The following PITPNC1 variants were observed in gnomAD, a reference collection of about 807,000 sequenced individuals.
The protein encoded by PITPNC1 is cytoplasmic phosphatidylinositol transfer protein 1.
A neutral mutation model predicts 44.7 loss-of-function variants in PITPNC1; 18 were observed. The ratio of observed to expected loss-of-function variants is 0.40; its 90% CI spans 0.28 to 0.60. The LOEUF (loss-of-function observed/expected upper bound fraction) is 0.60, where lower values mean the gene tolerates loss of function less well. Among genes scored for constraint, PITPNC1 ranks in the 20% least tolerant of loss-of-function variants. The pLI, the probability that PITPNC1 is intolerant of heterozygous loss-of-function variation, is 0.39. For missense variants in PITPNC1, 290 were observed against 418.4 expected, an observed-to-expected ratio of 0.69 and a Z score of 2.68; for synonymous variants, 141 against 149.6, an observed-to-expected ratio of 0.94 and a Z score of 0.42.
intron 2 of PITPNC1, among the ~76,000 whole-genome samples, chr17:67,543,783 G>A (rs2040639779): frequency 6.6e-6 from 1 of 152,166 alleles, no homozygotes; most frequent in Non-Finnish European, 1.5e-5. Flanking sequence ...AGTACATTAT[G>A]ATGGTTGCCT....
chr17:67,636,487 T>C (rs1305630903), intron 6 of PITPNC1, among the ~76,000 whole-genome samples: 1 of 152,164 alleles, frequency 6.6e-6, no homozygotes, highest in Non-Finnish European at 1.5e-5. Flanking sequence ...GGCTGAGCCC[T>C]GCACATTCAT....
chr17:67,594,533 G>A (rs1030455276), intron 5 of PITPNC1, among the ~76,000 whole-genome samples: 38 of 152,178 alleles, frequency 2.5e-4, no homozygotes, highest in Admixed American at 2.5e-3. Flanking sequence ...GTGGTTACTG[G>A]TGCAAGCAGC....
At chr17:67,378,936 C>T (rs1598593251) in intron 1 of PITPNC1, 1 of 982,834 alleles carries the variant, frequency 1.0e-6, no homozygotes, top group East Asian at 1.1e-4. Flanking sequence ...CGGCTGCCGG[C>T]TGGGGGCGCC....
chr17:67,508,779 C>T lies in PITPNC1; in HGVS notation c.49-24023C>T, dbSNP rs2949937. Among the ~76,000 whole-genome samples, 14,568 of 151,966 alleles carry T rather than the reference C, an allele frequency of 0.096. 896 individuals carry two copies. The highest frequency in any genetic ancestry group is 0.17 in the African/African-American group (6,936 of 41,422). ...TGCCAGGGGCCAGAGGGGAGGGAAA[C>T]GGGGAGCTGTTGTTTAAAGAGTGTA... is the stretch of plus-strand genomic sequence containing the variant. On this transcript the variant is annotated intron_variant, in intron 1 of 8. Transcript: ENST00000581322. The surrounding 1 kb of genome is among the most constrained non-coding windows in gnomAD (Gnocchi z 4.2).
chr17:67,460,803 G>T (rs766882031), intron 1 of PITPNC1, among the ~76,000 whole-genome samples: 2 of 146,976 alleles, frequency 1.4e-5, no homozygotes, highest in African/African-American at 2.5e-5. Flanking sequence ...GGAATGCAGC[G>T]GCGCGACGGT....
At chr17:67,424,085 CAA>C (rs71139144) in intron 1 of PITPNC1, among the ~76,000 whole-genome samples, 1,025 of 76,056 alleles carry the variant, frequency 0.013, 3 homozygotes, top group African/African-American at 0.015. Flanking sequence ...GAGACTGTCT[CAA>C]AAAAAAAAAA....
chr17:67,665,944 G>A (rs8077297), intron 6 of PITPNC1, among the ~76,000 whole-genome samples: 7,364 of 151,594 alleles, frequency 0.049, 579 homozygotes, highest in African/African-American at 0.17. Context: ...GGATTCAAGC[G>A]CTTCTCTTGC....
chr17:67,429,870 T>A (rs1321129672), intron 1 of PITPNC1, among the ~76,000 whole-genome samples: 1 of 152,232 alleles, frequency 6.6e-6, no homozygotes, highest in Non-Finnish European at 1.5e-5. Context: ...GAATACAATT[T>A]CAGTAGTTAT....
intron 8 of PITPNC1, among the ~76,000 whole-genome samples, chr17:67,687,832 G>A (rs1184677573): frequency 1.3e-5 from 2 of 152,086 alleles, no homozygotes; most frequent in Non-Finnish European, 2.9e-5. Context: ...GAAATTGAGA[G>A]CTGACTGTAT....
chr17:67,380,925 T>C (rs896528712), intron 1 of PITPNC1, among the ~76,000 whole-genome samples: 1 of 152,102 alleles, frequency 6.6e-6, no homozygotes, highest in Non-Finnish European at 1.5e-5. Context: ...AGGTGTGTGC[T>C]GCCAACCCGG....
intron 5 of PITPNC1, among the ~76,000 whole-genome samples, chr17:67,606,622 A>G (rs1309272437): frequency 1.3e-5 from 2 of 152,248 alleles, no homozygotes; most frequent in African/African-American, 4.8e-5. Flanking sequence ...GCCGAACTTT[A>G]TAATGGAAAC....
chr17:67,480,176 G>A (rs192951507), intron 1 of PITPNC1, among the ~76,000 whole-genome samples: 4 of 152,234 alleles, frequency 2.6e-5, no homozygotes, highest in African/African-American at 7.2e-5. Flanking sequence ...TTGCTGACTT[G>A]GAGAGCTGGA....
At chr17:67,575,971 G>C (rs2144226653) in intron 4 of PITPNC1, among the ~76,000 whole-genome samples, 1 of 143,330 alleles carries the variant, frequency 7.0e-6, no homozygotes, top group East Asian at 2.1e-4. Flanking sequence ...CCACGTCCCA[G>C]GTTCAAGCGA....
intron 8 of PITPNC1, among the ~76,000 whole-genome samples, chr17:67,690,087 TC>T (rs1307575164): frequency 4.6e-5 from 7 of 152,340 alleles, no homozygotes; most frequent in Admixed American, 4.6e-4. Context: ...TAATAATTGT[TC>T]CCAGGAAATC....
At chr17:67,408,888 TTTTC>T (rs1353625247) in intron 1 of PITPNC1, 1 of 152,028 alleles carries the variant, frequency 6.6e-6, no homozygotes, top group African/African-American at 2.4e-5. Context: ...AGCCTTCTTT[TTTTC>T]TTTTAGTTCC....
In PITPNC1 at chr17:67,590,677, A is replaced by G. The variant is rs551015103; in HGVS notation, c.366+12420A>G. On this transcript the variant is annotated intron_variant, in intron 5 of 8. Coordinates refer to ENST00000581322, the MANE Select transcript of PITPNC1 (RefSeq NM_012417.4). ...ATGGAAATAGAAATAATTTTACAATAGACAGCCAGGCACAGTGGCTCACAC... is the reference window on the plus strand; with the variant it reads ...ATGGAAATAGAAATAATTTTACAATGGACAGCCAGGCACAGTGGCTCACAC... Among the ~76,000 whole-genome samples, 4 of 152,338 alleles carry G rather than the reference A, an allele frequency of 2.6e-5. No individual in the cohort carries two copies. In the South Asian group the frequency reaches 8.3e-4, roughly 32 times the overall value.
At chr17:67,553,690 C>T in intron 4 of PITPNC1, 73 bp downstream of exon 4, 1 of 543,726 alleles carries the variant, frequency 1.8e-6, no homozygotes, top group Non-Finnish European at 3.2e-6. Context: ...TCTTGTATTA[C>T]TTGTCTTATC....
chr17:67,524,748 C>CTTTT (rs1000220869), intron 1 of PITPNC1: 79 of 6,662 alleles, frequency 0.012, 33 homozygotes, highest in African/African-American at 0.017. Context: ...TGAAGGTTTT[C>CTTTT]TTTTTTTTTT....
chr17:67,399,849 T>TA (rs2038280780), intron 1 of PITPNC1, among the ~76,000 whole-genome samples: 2 of 152,208 alleles, frequency 1.3e-5, no homozygotes, highest in African/African-American at 4.8e-5. Flanking sequence ...GTTGGTGCAA[T>TA]ACTGTGGAAG....
Sources: allele counts gnomAD v4.1 joint callset (sites outside exome capture counted in the v4.1 genomes callset), GRCh38; gene constraint gnomAD v4.1.1; non-coding constraint Gnocchi (gnomAD v3.1); transcripts MANE v1.5; gene names NCBI Gene and HGNC (gene_info 2026-07-23, HGNC 2026-07-21).